ROBO2: variants seen among roughly 807,000 people sequenced by gnomAD.
ROBO2 encodes the protein roundabout guidance receptor 2, also known as roundabout homolog 2.
ROBO2 carries 53 observed loss-of-function variants against 160.8 expected under a neutral mutation model. The ratio of observed to expected loss-of-function variants is 0.33; its 90% CI spans 0.26 to 0.41. The LOEUF (loss-of-function observed/expected upper bound fraction) is 0.41, where lower values mean the gene tolerates loss of function less well. Ranked by LOEUF, ROBO2 falls within the 10% of genes least tolerant of loss-of-function variation. ROBO2 has a pLI of 1.00. For synonymous variants in ROBO2, 664 were observed against 611.7 expected, an observed-to-expected ratio of 1.09 and a Z score of -1.26; for missense variants, 1,577 against 1,722.4, an observed-to-expected ratio of 0.92 and a Z score of 1.49.
At chr3:77,155,080 T>TAAA (rs200793672) in intron 2 of ROBO2, among the ~76,000 whole-genome samples, 1 of 151,848 alleles carries the variant, frequency 6.6e-6, no homozygotes, top group Admixed American at 6.6e-5. Context: ...AATAAATAAA[T>TAAA]AAAATGGATT....
intron 2 of ROBO2, among the ~76,000 whole-genome samples, chr3:76,194,371 T>TATATATATAC (rs1702160729): frequency 8.2e-6 from 1 of 122,148 alleles, no homozygotes; most frequent in African/African-American, 3.4e-5. Context: ...TATATATATA[T>TATATATATAC]ATATATATAT....
At chr3:77,279,654 T>C (rs2060117814) in intron 2 of ROBO2, among the ~76,000 whole-genome samples, 1 of 152,158 alleles carries the variant, frequency 6.6e-6, no homozygotes, top group African/African-American at 2.4e-5. Flanking sequence ...TGTGGAGTCC[T>C]CTTTACTTCT....
chr3:76,423,302 T>C (rs572157694), intron 2 of ROBO2, among the ~76,000 whole-genome samples: 1 of 152,290 alleles, frequency 6.6e-6, no homozygotes, highest in East Asian at 1.9e-4. Flanking sequence ...ACCCTTAAGC[T>C]GTAGTGACAC....
At chr3:77,646,027 T>G in intron 25 of ROBO2, 27 bp from the exon 28 acceptor site, 1 of 1,547,690 alleles carries the variant, frequency 6.5e-7, no homozygotes, top group East Asian at 2.3e-5. Context: ...ATTTATATTT[T>G]ATTTCTACTT....
At chr3:75,989,175 A>G (rs969746245) in intron 2 of ROBO2, among the ~76,000 whole-genome samples, 8 of 151,750 alleles carry the variant, frequency 5.3e-5, no homozygotes, top group African/African-American at 9.7e-5. Flanking sequence ...CTGGAGTGCA[A>G]TGGTGTGATC....
At position 76,722,830 on chromosome 3, in the gene ROBO2, G is replaced by T. The variant is rs115569205; in HGVS notation, c.110-375184G>T. On this transcript the variant is annotated intron_variant, in intron 2 of 26. Coordinates refer to the ROBO2 transcript ENST00000487694. ...ACTGAATAGTGTTTCATCACATTTT[G>T]GTTATCAATTTACCAGTTAATGGGC... Among the ~76,000 whole-genome samples, 996 of 152,210 alleles carry T rather than the reference G, an allele frequency of 6.5e-3. 14 individuals carry two copies. Among genetic ancestry groups the T allele is most frequent in the African/African-American group, 0.022 (909 of 41,534 alleles).
chr3:77,361,974 T>G (rs1223636019), intron 2 of ROBO2, among the ~76,000 whole-genome samples: 1 of 152,150 alleles, frequency 6.6e-6, no homozygotes, highest in African/African-American at 2.4e-5. Context: ...ACTTAATTCT[T>G]GCCTTAATGA....
chr3:77,022,037 T>G (rs963252907), intron 2 of ROBO2, among the ~76,000 whole-genome samples: 1 of 152,112 alleles, frequency 6.6e-6, no homozygotes, highest in Non-Finnish European at 1.5e-5. Flanking sequence ...GCTCAAGAGT[T>G]CAAGACCAGC....
intron 2 of ROBO2, chr3:76,311,102 G>C (rs1014713014): frequency 1.3e-5 from 2 of 152,316 alleles, no homozygotes; most frequent in East Asian, 1.9e-4. Context: ...GGCTGACTGC[G>C]TACTGAGGAG....
At chr3:77,011,378 T>C (rs115093658) in intron 2 of ROBO2, among the ~76,000 whole-genome samples, 2,863 of 152,278 alleles carry the variant, frequency 0.019, 51 homozygotes, top group Non-Finnish European at 0.028. Flanking sequence ...TGCATATTAG[T>C]AATGTCAAAA....
At chr3:77,135,860 CAA>C (rs751585082) in intron 2 of ROBO2, among the ~76,000 whole-genome samples, 2 of 152,022 alleles carry the variant, frequency 1.3e-5, no homozygotes, top group Non-Finnish European at 2.9e-5. Context: ...CATCAGTAAA[CAA>C]ACAAACAAAC....
chr3:77,574,752 A>G, intron 14 of ROBO2, 22 bp downstream of exon 15: 1 of 1,591,218 alleles, frequency 6.3e-7, no homozygotes, highest in Non-Finnish European at 8.6e-7. Context: ...GATTTCGAAT[A>G]TAAATCAAAC....
chr3:77,480,309 A>AC (rs1328960350), intron 3 of ROBO2, among the ~76,000 whole-genome samples: 1 of 151,870 alleles, frequency 6.6e-6, no homozygotes, highest in East Asian at 1.9e-4. Flanking sequence ...TACCAAAAAA[A>AC]AAAAACTGGA....
At chr3:76,587,882 T>C (rs2086157880) in intron 2 of ROBO2, among the ~76,000 whole-genome samples, 1 of 152,126 alleles carries the variant, frequency 6.6e-6, no homozygotes, top group African/African-American at 2.4e-5. Flanking sequence ...GTAGGGCATA[T>C]ACTTGAGATG....
chr3:76,827,298 A>G (rs1482585788), intron 2 of ROBO2, among the ~76,000 whole-genome samples: 1 of 152,206 alleles, frequency 6.6e-6, no homozygotes, highest in Non-Finnish European at 1.5e-5. Context: ...CAAGAAAGAA[A>G]TGAATGAATA....
intron 2 of ROBO2, among the ~76,000 whole-genome samples, chr3:76,903,497 T>C (rs926094513): frequency 9.2e-5 from 14 of 152,116 alleles, no homozygotes; most frequent in Admixed American, 3.3e-4. Context: ...GGTATGGTTT[T>C]TGGAGTACCT....
intron 2 of ROBO2, among the ~76,000 whole-genome samples, chr3:76,243,331 G>A (rs752932899): frequency 7.9e-5 from 12 of 152,126 alleles, no homozygotes; most frequent in Admixed American, 4.6e-4. Context: ...AAGCCCTGCC[G>A]TAACTCCCTC....
intron 2 of ROBO2, among the ~76,000 whole-genome samples, chr3:77,020,788 G>A (rs74588466): frequency 0.076 from 11,605 of 152,180 alleles, 1,415 homozygotes; most frequent in African/African-American, 0.26. Context: ...TAATGTGTTT[G>A]TTTCTTGAAT....
intron 2 of ROBO2, among the ~76,000 whole-genome samples, chr3:76,438,787 A>G (rs1194433289): frequency 2.6e-5 from 4 of 152,032 alleles, no homozygotes; most frequent in Admixed American, 2.0e-4. Flanking sequence ...TTAGTTATCA[A>G]CTATGCTTTA....
Sources: allele counts gnomAD v4.1 joint callset (sites outside exome capture counted in the v4.1 genomes callset), GRCh38; gene constraint gnomAD v4.1.1; transcripts MANE v1.5; gene names NCBI Gene and HGNC (gene_info 2026-07-23, HGNC 2026-07-21).